TCEANC2: variants seen among roughly 807,000 people sequenced by gnomAD.
The protein encoded by TCEANC2 is transcription elongation factor A N-terminal and central domain containing 2.
Under a neutral mutation model 22.8 loss-of-function variants are expected in TCEANC2, and 20 were observed. The ratio of observed to expected loss-of-function variants is 0.88; its 90% CI spans 0.62 to 1.28. The LOEUF is 1.28. TCEANC2 is among the 50% of genes most tolerant of loss of function. The probability of loss-of-function intolerance (pLI) is 0.00; values close to 1 mark genes in which losing one functional copy is unlikely to be tolerated. For synonymous variants in TCEANC2, 84 were observed against 95.5 expected (o/e 0.88, Z 0.70); for missense variants, 251 against 249.7 (o/e 1.01, Z -0.03).
chr1:54,110,693 G>A (rs1029614493), downstream of TCEANC2, among the ~76,000 whole-genome samples: 1 of 152,110 alleles, frequency 6.6e-6, no homozygotes, highest in African/African-American at 2.4e-5. Flanking sequence ...TCCTTACAGT[G>A]GCCTACAAGG....
At chr1:54,061,242 T>C (rs1557686192) in intron 2 of TCEANC2, among the ~76,000 whole-genome samples, 1 of 152,226 alleles carries the variant, frequency 6.6e-6, no homozygotes, top group African/African-American at 2.4e-5. Flanking sequence ...AACATGAGCA[T>C]TATGTTTTAA....
At chr1:54,057,312 C>CTGGGACTA (rs1253582927) in intron 2 of TCEANC2, among the ~76,000 whole-genome samples, 1 of 142,300 alleles carries the variant, frequency 7.0e-6, no homozygotes, top group African/African-American at 2.6e-5. Context: ...CACATCATAG[C>CTGGGACTA]TGGGACTATA....
intron 2 of TCEANC2, 105 bp downstream of exon 2, chr1:54,054,629 T>G (rs1413153751): frequency 6.9e-6 from 8 of 1,162,496 alleles, no homozygotes; most frequent in Non-Finnish European, 9.5e-6. Flanking sequence ...TTGTTATGCC[T>G]CCTCCTCAAA....
rs540010912 is a variant in TCEANC2 at position 54,094,972 on chromosome 1, C to G, written c.439-1313C>G. ...TGGGCAACATAGCAAGACCCCATCTCTAAATTTTTTTTTAATTTTAATTAG... is the reference window on the plus strand; with the variant it reads ...TGGGCAACATAGCAAGACCCCATCTGTAAATTTTTTTTTAATTTTAATTAG... On this transcript the variant is annotated intron_variant, in intron 4 of 4. Coordinates refer to ENST00000234827, the MANE Select transcript of TCEANC2 (RefSeq NM_153035.3). Among the ~76,000 whole-genome samples, 900 of 152,160 alleles carry G rather than the reference C, an allele frequency of 5.9e-3. 6 individuals are homozygous for G. The highest frequency in any genetic ancestry group is 9.8e-3 in the Non-Finnish European group (666 of 67,998).
chr1:54,089,794 C>T, intron 4 of TCEANC2: 2 of 368,982 alleles, frequency 5.4e-6, no homozygotes, highest in East Asian at 4.8e-5. Context: ...AAGTTTTGGA[C>T]CTGAAGTGAA....
At chr1:54,094,560 A>C (rs988303748) in intron 4 of TCEANC2, among the ~76,000 whole-genome samples, 7 of 152,114 alleles carry the variant, frequency 4.6e-5, no homozygotes, top group African/African-American at 1.7e-4. Flanking sequence ...TGTTCTCCAC[A>C]GCGCTGGTTC....
At chr1:54,061,788 G>A (rs17109684) in intron 2 of TCEANC2, among the ~76,000 whole-genome samples, 12,944 of 152,018 alleles carry the variant, frequency 0.085, 1,268 homozygotes, top group African/African-American at 0.24. Flanking sequence ...ATGCCAAACT[G>A]AAGAGGTATA....
chr1:54,070,793 C>A (rs1449420158), intron 3 of TCEANC2, among the ~76,000 whole-genome samples: 1 of 152,190 alleles, frequency 6.6e-6, no homozygotes, highest in African/African-American at 2.4e-5. Flanking sequence ...TTACTGAGTA[C>A]CTTTCCTGTG....
chr1:54,059,753 C>T (rs1657817268), intron 2 of TCEANC2, among the ~76,000 whole-genome samples: 1 of 152,194 alleles, frequency 6.6e-6, no homozygotes, highest in Non-Finnish European at 1.5e-5. Context: ...AAACCTAACA[C>T]AGTGCCTGCT....
Position 54,099,751 on chromosome 1 carries a change from A to G in TCEANC2, c.*3278A>G, listed in dbSNP as rs1047534053. ...AGAGTGAGACTCTGTCTCAAAAAAAAAAAAAAAAAGAGAAAAAGAAAAAAG... is the reference window on the plus strand; with the variant it reads ...AGAGTGAGACTCTGTCTCAAAAAAAGAAAAAAAAAGAGAAAAAGAAAAAAG... On this transcript the variant is annotated 3_prime_UTR_variant, in exon 5 of 5. Transcript: ENST00000234827. 1.3e-5 allele frequency: 2 copies of G among 152,376 alleles called. No individual in the cohort carries two copies. Among genetic ancestry groups the G allele is most frequent in the African/African-American group, 4.8e-5 (2 of 41,340 alleles). 9.4% of individuals were successfully genotyped at this position (152,376 alleles called of 1,614,324 possible). A position where few individuals can be genotyped will look rare whatever the true frequency, so the allele number is the denominator to read the frequency against.
In TCEANC2 at chr1:54,104,518, C is replaced by T. The variant is rs1658712706; in HGVS notation, c.*8045C>T. On this transcript the variant is annotated 3_prime_UTR_variant, in exon 5 of 5. Coordinates refer to ENST00000234827, the MANE Select transcript of TCEANC2 (RefSeq NM_153035.3). Reference sequence around the variant, plus strand: ...GGTACTCAGTTGATTCACGTGGAGACTTCTTGGTATTCCTTTGCCCAATTT... The same window carrying T: ...GGTACTCAGTTGATTCACGTGGAGATTTCTTGGTATTCCTTTGCCCAATTT... 9.0e-6 allele frequency: 4 copies of T among 443,200 alleles called. No individual in the cohort carries two copies. The highest frequency in any genetic ancestry group is 1.8e-5 in the Non-Finnish European group (4 of 221,288). The allele number at this position is 443,200 out of a possible 1,614,324, so 27.5% of individuals were successfully genotyped here.
intron 4 of TCEANC2, among the ~76,000 whole-genome samples, chr1:54,092,951 G>C (rs552050023): frequency 1.2e-4 from 18 of 152,174 alleles, no homozygotes; most frequent in Non-Finnish European, 2.2e-4. Flanking sequence ...TGTGAACTAG[G>C]AGATACCAAG....
intron 3 of TCEANC2, among the ~76,000 whole-genome samples, chr1:54,071,818 A>AT (rs111974154): frequency 0.012 from 1,834 of 147,560 alleles, 17 homozygotes; most frequent in Middle Eastern, 0.028. Flanking sequence ...TTTTATTTTT[A>AT]TTTTTTTTTT....
intron 3 of TCEANC2, among the ~76,000 whole-genome samples, chr1:54,084,584 G>A (rs1052004310): frequency 1.2e-4 from 19 of 152,040 alleles, no homozygotes; most frequent in African/African-American, 3.6e-4. Flanking sequence ...TAAATGGGCC[G>A]GGCTCGGTGG....
intron 2 of TCEANC2, among the ~76,000 whole-genome samples, chr1:54,067,428 A>G (rs931471175): frequency 1.3e-5 from 2 of 152,242 alleles, no homozygotes; most frequent in Non-Finnish European, 2.9e-5. Flanking sequence ...GGAGCTTTCC[A>G]AGGAACTGCA....
chr1:54,067,898 C>A (rs894350678), intron 2 of TCEANC2, among the ~76,000 whole-genome samples: 1 of 152,150 alleles, frequency 6.6e-6, no homozygotes, highest in Non-Finnish European at 1.5e-5. Context: ...GCCCACCTCC[C>A]TCAGATAATA....
chr1:54,092,813 A>AGG (rs920026558), intron 4 of TCEANC2, among the ~76,000 whole-genome samples: 17 of 152,340 alleles, frequency 1.1e-4, no homozygotes, highest in African/African-American at 4.1e-4. Context: ...CCACTGATGA[A>AGG]GGAGCTCAAG....
At chr1:54,089,665 G>T (rs903357681) in intron 4 of TCEANC2, among the ~76,000 whole-genome samples, 1 of 152,162 alleles carries the variant, frequency 6.6e-6, no homozygotes, top group Admixed American at 6.5e-5. Context: ...CAATTCAGAA[G>T]TCTGATTTAA....
At chr1:54,088,091 A>G (rs939784942) in intron 3 of TCEANC2, among the ~76,000 whole-genome samples, 18 of 152,162 alleles carry the variant, frequency 1.2e-4, no homozygotes, top group Admixed American at 2.6e-4. Flanking sequence ...CCTCCATTAT[A>G]AATTTCCCCA....
Sources: gnomAD v4.1 joint callset for allele counts (sites outside exome capture counted in the v4.1 genomes callset) on GRCh38, gnomAD v4.1.1 for gene constraint, MANE v1.5 for transcripts, NCBI Gene and HGNC (gene_info 2026-07-23, HGNC 2026-07-21) for gene names.